The following TET3 variants were observed in gnomAD, a reference collection of about 807,000 sequenced individuals.
TET3 encodes the protein methylcytosine dioxygenase TET3.
TET3 carries 19 observed loss-of-function variants against 141.4 expected under a neutral mutation model. The observed-to-expected ratio is 0.13, with a 90% CI of 0.09 to 0.20. The LOEUF (loss-of-function observed/expected upper bound fraction) is 0.20. Among genes scored for constraint, TET3 ranks in the 10% least tolerant of loss-of-function variants. The probability of loss-of-function intolerance (pLI) is 1.00; values close to 1 mark genes in which losing one functional copy is unlikely to be tolerated. For missense variants in TET3, 1,874 were observed against 2,356.9 expected, an observed-to-expected ratio of 0.80 and a Z score of 4.24; for synonymous variants, 1,043 against 980.9, an observed-to-expected ratio of 1.06 and a Z score of -1.18.
At chr2:74,007,100 T>C (rs1012372250) in intron 3 of TET3, among the ~76,000 whole-genome samples, 5 of 152,186 alleles carry the variant, frequency 3.3e-5, no homozygotes, top group African/African-American at 9.7e-5. Context: ...ACAAAACCAT[T>C]GGAAGTAAGA....
chr2:73,996,675 T>A (rs1279040733), intron 2 of TET3, among the ~76,000 whole-genome samples: 2 of 152,004 alleles, frequency 1.3e-5, no homozygotes, highest in Non-Finnish European at 2.9e-5. Context: ...ACCTGAATAA[T>A]TTTTGTATTT....
intron 3 of TET3, among the ~76,000 whole-genome samples, chr2:74,021,116 C>T (rs553499905): frequency 1.0e-3 from 155 of 152,364 alleles, no homozygotes; most frequent in African/African-American, 3.7e-3. Context: ...CTATCCCCTG[C>T]TGTTGGTTTC....
chr2:73,990,517 G>T (rs1000176155), intron 2 of TET3, among the ~76,000 whole-genome samples: 3 of 152,114 alleles, frequency 2.0e-5, no homozygotes, highest in Admixed American at 6.5e-5. Context: ...TCCTAGGCCT[G>T]ACTGAAAAGT....
chr2:73,984,455 G>T (rs1683892043), upstream of TET3, among the ~76,000 whole-genome samples: 1 of 152,310 alleles, frequency 6.6e-6, no homozygotes, highest in Admixed American at 6.5e-5. This position sits in a 1 kb window ranked among gnomAD's most constrained non-coding sequence, Gnocchi z 5.6. Context: ...GGACAGGGGG[G>T]TCAGTCGGGC....
chr2:74,100,868 G>T lies in TET3; in HGVS notation c.4080G>T (p.Ala1360=), dbSNP rs1480731756. ...CCACTCCTCACCACCAGCAGCCTGC[G>T]TACCCAGGCCCCAAGGAGTATCTGC... ...HHPTPHHQQP[A]YPGPKEYLLP... is the part of the protein sequence containing the mutation. The change falls in exon 12 of 12, where the codon GCG becomes GCT. Residue 1360 remains alanine, a synonymous_variant. Transcript: ENST00000409262. 1 of 1,610,786 alleles carries T rather than the reference G, an allele frequency of 6.2e-7. No individual in the cohort carries two copies. The highest frequency in any genetic ancestry group is 1.3e-5 in the African/African-American group (1 of 74,758).
chr2:74,090,743 C>T (rs1253988981), intron 8 of TET3, among the ~76,000 whole-genome samples: 9 of 152,230 alleles, frequency 5.9e-5, no homozygotes, highest in Admixed American at 5.9e-4. Flanking sequence ...TGTTGTTTGT[C>T]CTCTGATGCC....
At chr2:74,112,571 T>C (rs1170930147), downstream of TET3, among the ~76,000 whole-genome samples, 1 of 152,166 alleles carries the variant, frequency 6.6e-6, no homozygotes, top group Non-Finnish European at 1.5e-5. Flanking sequence ...AAAAACAATA[T>C]GCAGATCTAA....
chr2:73,992,305 CT>C (rs567880207), intron 2 of TET3, among the ~76,000 whole-genome samples: 111 of 143,962 alleles, frequency 7.7e-4, no homozygotes, highest in Admixed American at 8.3e-4. Context: ...TTTTTCTTTT[CT>C]TTTTTTTTTT....
At chr2:74,025,446 C>A (rs1686289039) in intron 3 of TET3, among the ~76,000 whole-genome samples, 1 of 151,574 alleles carries the variant, frequency 6.6e-6, no homozygotes, top group South Asian at 2.1e-4. Context: ...CACCACCACG[C>A]CCGGCTAATT....
In TET3 at chr2:74,105,374, A is replaced by G; in HGVS notation, c.*3198A>G. On this transcript the variant is annotated 3_prime_UTR_variant, in exon 12 of 12. Coordinates refer to ENST00000409262, the MANE Select transcript of TET3 (RefSeq NM_001287491.2). Reference sequence around the variant, plus strand: ...GGAAGTGCTTGTAAAGTTCTGTGCTACGAGATTTTTAAAATAAAAATCGCT... The same window carrying G: ...GGAAGTGCTTGTAAAGTTCTGTGCTGCGAGATTTTTAAAATAAAAATCGCT... 1 of 398,654 alleles carries G rather than the reference A, an allele frequency of 2.5e-6. No individual in the cohort carries two copies. The highest frequency in any genetic ancestry group is 4.4e-6 in the Non-Finnish European group (1 of 226,076). The allele number at this position is 398,654 out of a possible 1,614,324, so 24.7% of individuals were successfully genotyped here. A position where few individuals can be genotyped will look rare whatever the true frequency, so the allele number is the denominator to read the frequency against.
chr2:74,090,009 C>T lies in TET3; in HGVS notation c.3001C>T (p.Pro1001Ser). Residue 1001 changes from proline (P) to serine (S), a missense_variant, in exon 8 of 12, where the codon CCT becomes TCT. Coordinates refer to ENST00000409262, the MANE Select transcript of TET3 (RefSeq NM_001287491.2). ...NGCKYARSKT[P>S]RKFRLAGDNP... ...CTGCAAGTATGCTCGGAGCAAGACA[C>T]CTCGCAAGTTCCGCCTCGCAGGGGA... is the stretch of plus-strand genomic sequence containing the variant. 1 of 1,614,070 alleles carries T rather than the reference C, an allele frequency of 6.2e-7. No individual in the cohort carries two copies. The highest frequency in any genetic ancestry group is 8.5e-7 in the Non-Finnish European group (1 of 1,179,910).
chr2:74,116,838 T>A, the TET3 span, among the ~76,000 whole-genome samples: 1 of 151,834 alleles, frequency 6.6e-6, no homozygotes, highest in African/African-American at 2.4e-5. Flanking sequence ...GCACTTTGGG[T>A]GCGGCTAGGG....
intron 4 of TET3, among the ~76,000 whole-genome samples, chr2:74,054,217 C>G (rs1269506140): frequency 1.3e-5 from 2 of 152,018 alleles, no homozygotes; most frequent in African/African-American, 4.8e-5. Context: ...CCAGAGAAAC[C>G]AGTTTGTAGG....
chr2:74,092,683 A>C (rs573075334), intron 8 of TET3, among the ~76,000 whole-genome samples: 2 of 152,310 alleles, frequency 1.3e-5, no homozygotes, highest in South Asian at 4.1e-4. Context: ...CTAGACCTTC[A>C]GGCCGTGGCT....
chr2:74,055,504 GC>G (rs1688168866), intron 4 of TET3, among the ~76,000 whole-genome samples: 1 of 152,160 alleles, frequency 6.6e-6, no homozygotes, highest in Admixed American at 6.5e-5. Flanking sequence ...CATGGCTGTG[GC>G]TTTGTAACTA....
chr2:74,091,054 G>A (rs1182787613), intron 8 of TET3, among the ~76,000 whole-genome samples: 4 of 152,098 alleles, frequency 2.6e-5, no homozygotes, highest in Admixed American at 2.6e-4. Flanking sequence ...CCAAGCTTGG[G>A]TCCTCATAAG....
chr2:74,131,163 G>A, the TET3 span, among the ~76,000 whole-genome samples: 2 of 152,294 alleles, frequency 1.3e-5, no homozygotes, highest in East Asian at 3.9e-4. Flanking sequence ...AATTATTCCA[G>A]GTGGTTCGAA....
In TET3 at chr2:74,087,956, G is replaced by A; in HGVS notation, c.2806G>A (p.Gly936Arg). 1.3e-6 allele frequency: 2 copies of A among 1,555,768 alleles called. No homozygotes were observed. The change falls in exon 7 of 12, where the codon GGA (glycine) becomes AGA (arginine). Residue 936 changes from glycine (G) to arginine (R), a missense_variant. Around this residue, in one of 10 missense-constraint regions of TET3, gnomAD observed 126 missense variants for 327.4 expected, o/e 0.38. Transcript: ENST00000409262. The surrounding 1 kb of genome is among the most constrained non-coding windows in gnomAD (Gnocchi z 4.3). The stretch of plus-strand genomic sequence containing the variant: ...CTGGGAGGGCATTCCCCGTAGCCTC[G>A]GAGACACCCTCTACCAGGAGCTCAC... ...LAWEGIPRSL[G>R]DTLYQELTDT...
At chr2:74,029,457 G>A (rs1686552874) in intron 3 of TET3, among the ~76,000 whole-genome samples, 2 of 152,114 alleles carry the variant, frequency 1.3e-5, no homozygotes, top group South Asian at 2.1e-4. Flanking sequence ...AGAGAAAACA[G>A]TACAGCTATT....
Sources: allele counts gnomAD v4.1 joint callset (sites outside exome capture counted in the v4.1 genomes callset), GRCh38; gene constraint gnomAD v4.1.1; regional missense constraint gnomAD v4.1.1; non-coding constraint Gnocchi (gnomAD v3.1); transcripts MANE v1.5; gene names NCBI Gene and HGNC (gene_info 2026-07-23, HGNC 2026-07-21).